Variants in GABRG3 observed in about 807,000 individuals in gnomAD.
The protein encoded by GABRG3 is gamma-aminobutyric acid type A receptor subunit gamma3, also known as gamma-aminobutyric acid receptor subunit gamma-3.
A neutral mutation model predicts 48.8 loss-of-function variants in GABRG3; 25 were observed. That is an observed-to-expected ratio of 0.51 (90% confidence interval 0.37 to 0.72). The LOEUF (loss-of-function observed/expected upper bound fraction) is 0.72, where lower values mean the gene tolerates loss of function less well. Ranked by LOEUF, GABRG3 falls within the 30% of genes least tolerant of loss-of-function variation. The probability of loss-of-function intolerance (pLI) is 0.00; values close to 1 mark genes in which losing one functional copy is unlikely to be tolerated. For missense variants in GABRG3, 394 were observed against 577.9 expected (o/e 0.68, Z 3.26); for synonymous variants, 227 against 217.6 (o/e 1.04, Z -0.38).
At chr15:27,076,356 C>T (rs1296857561) in intron 3 of GABRG3, among the ~76,000 whole-genome samples, 4 of 136,978 alleles carry the variant, frequency 2.9e-5, no homozygotes, top group Non-Finnish European at 6.1e-5. Context: ...TGGAGTCTCA[C>T]TCTGTTGCCC....
chr15:27,527,614 G>A lies in GABRG3; in HGVS notation c.1047G>A (p.Thr349=). 2 of 1,610,350 alleles carry A rather than the reference G, an allele frequency of 1.2e-6. No homozygotes were observed. The highest frequency in any genetic ancestry group is 1.7e-6 in the Non-Finnish European group (2 of 1,178,048). ...YYSSCRKPTT[T]KKTTSLLHPD... ...CCAGCTGTAGAAAACCAACCACCAC[G>A]AAGAAGACAACATCGGTGAGCTGCA... The change falls in exon 8 of 10, where the codon ACG becomes ACA. Residue 349 remains threonine (T), a synonymous_variant. Transcript: ENST00000615808.
intron 5 of GABRG3, among the ~76,000 whole-genome samples, chr15:27,433,333 C>T (rs754843443): frequency 6.6e-6 from 1 of 152,184 alleles, no homozygotes; most frequent in Non-Finnish European, 1.5e-5. Context: ...TCGAAAATGG[C>T]TCTTACCAGG....
At chr15:27,040,473 G>A (rs997415462) in intron 3 of GABRG3, among the ~76,000 whole-genome samples, 1 of 152,212 alleles carries the variant, frequency 6.6e-6, no homozygotes, top group African/African-American at 2.4e-5. Context: ...TCTCATCCAA[G>A]ATGAATGTCC....
rs1891504982 is a variant in GABRG3, at chr15:27,534,475, G to A, written c.*1594G>A. The A allele has an allele frequency of 6.6e-6, 1 of 152,210 alleles. No individual in the cohort carries two copies. The highest frequency in any genetic ancestry group is 2.4e-5 in the African/African-American group (1 of 41,456). The allele number at this position is 152,210 out of a possible 1,614,324, so 9.4% of individuals were successfully genotyped here. A position where few individuals can be genotyped will look rare whatever the true frequency, so the allele number is the denominator to read the frequency against. Reference sequence around the variant, plus strand: ...AATAGGCAAAACACAAGTCCTACCAGTTAGTTAATAATGCTTTGGCATTGT... The same window carrying A: ...AATAGGCAAAACACAAGTCCTACCAATTAGTTAATAATGCTTTGGCATTGT... On this transcript the variant is annotated 3_prime_UTR_variant, in exon 10 of 10. Coordinates refer to ENST00000615808, the MANE Select transcript of GABRG3 (RefSeq NM_033223.5).
intron 3 of GABRG3, among the ~76,000 whole-genome samples, chr15:27,077,989 A>G (rs1896936715): frequency 6.6e-6 from 1 of 152,130 alleles, no homozygotes; most frequent in Admixed American, 6.5e-5. Context: ...AATATGTGCC[A>G]TGTTTCTGTT....
Position 27,289,918 on chromosome 15 carries a change from C to T in GABRG3, c.271-36891C>T, listed in dbSNP as rs566522753. On this transcript the variant is annotated intron_variant, in intron 3 of 9. Transcript: ENST00000615808. ...TGTTTTGGCCGGGGATAATGAGACT[C>T]CAGTGGTAACAAGCATACCTAGTAC... Among the ~76,000 whole-genome samples the T allele has an allele frequency of 2.0e-5, 3 of 152,214 alleles. No individual in the cohort carries two copies. In the South Asian group the frequency reaches 6.2e-4, roughly 32 times the overall value.
chr15:27,423,242 T>TAAAAAAAAA (rs58007397), intron 5 of GABRG3, among the ~76,000 whole-genome samples: 1 of 74,748 alleles, frequency 1.3e-5, no homozygotes, highest in Non-Finnish European at 2.7e-5. Context: ...GTCATTATGA[T>TAAAAAAAAA]AAAAAAAAAA....
intron 3 of GABRG3, among the ~76,000 whole-genome samples, chr15:27,233,057 A>G (rs1028427420): frequency 5.3e-5 from 8 of 152,176 alleles, no homozygotes; most frequent in Admixed American, 1.3e-4. Context: ...CTGGAGTGGA[A>G]GAGATGGGGG....
chr15:27,285,211 G>C (rs1454225863), intron 3 of GABRG3, among the ~76,000 whole-genome samples: 1 of 151,438 alleles, frequency 6.6e-6, no homozygotes, highest in Non-Finnish European at 1.5e-5. Context: ...TAATGTGGTA[G>C]CTGCAGTTTG....
chr15:27,267,102 CTTTTTTTTT>C (rs57772496), intron 3 of GABRG3, among the ~76,000 whole-genome samples: 3 of 112,858 alleles, frequency 2.7e-5, no homozygotes, highest in African/African-American at 9.9e-5. Flanking sequence ...TAGTCTTTTA[CTTTTTTTTT>C]TTTTTTTTTT....
chr15:27,235,961 A>T (rs1048252376), intron 3 of GABRG3, among the ~76,000 whole-genome samples: 3 of 152,094 alleles, frequency 2.0e-5, no homozygotes, highest in African/African-American at 7.2e-5. Context: ...ACCCTTACTA[A>T]TGGTTTTTCT....
intron 3 of GABRG3, among the ~76,000 whole-genome samples, chr15:27,075,396 G>A (rs1445606365): frequency 6.6e-6 from 1 of 152,176 alleles, no homozygotes; most frequent in Non-Finnish European, 1.5e-5. Flanking sequence ...GTTTATTTTG[G>A]CATCCTAGCA....
chr15:27,366,306 T>G (rs182910472), intron 5 of GABRG3: 2 of 152,212 alleles, frequency 1.3e-5, no homozygotes, highest in African/African-American at 4.8e-5. Flanking sequence ...CCGGGCTCTT[T>G]CCTGCATCAT....
chr15:27,527,118 G>A (rs1401427492), intron 7 of GABRG3, among the ~76,000 whole-genome samples: 2 of 152,090 alleles, frequency 1.3e-5, no homozygotes, highest in Non-Finnish European at 2.9e-5. Flanking sequence ...GGAACAGCAC[G>A]GAACATATAG....
chr15:27,404,911 A>G (rs922864390), intron 5 of GABRG3, among the ~76,000 whole-genome samples: 9 of 152,190 alleles, frequency 5.9e-5, no homozygotes, highest in African/African-American at 2.2e-4. Flanking sequence ...CTGCTCTGTC[A>G]TGCCCCCTAG....
intron 3 of GABRG3, among the ~76,000 whole-genome samples, chr15:27,057,522 T>A (rs960542715): frequency 2.0e-5 from 3 of 152,194 alleles, no homozygotes; most frequent in African/African-American, 7.2e-5. Context: ...CAGTTTCCTG[T>A]GCCTTATACA....
intron 5 of GABRG3, among the ~76,000 whole-genome samples, chr15:27,330,048 T>C (rs1893752216): frequency 6.6e-6 from 1 of 152,160 alleles, no homozygotes; most frequent in African/African-American, 2.4e-5. Flanking sequence ...AAGATCATCC[T>C]GGCTAACACG....
Position 27,279,670 on chromosome 15 carries a change from A to G in GABRG3, c.271-47139A>G, listed in dbSNP as rs562118505. ...ACACGGTCTTGATTACTGTAGTTGTATGTATAAGTCTTATAGTCAGGTAAA... is the reference window on the plus strand; with the variant it reads ...ACACGGTCTTGATTACTGTAGTTGTGTGTATAAGTCTTATAGTCAGGTAAA... On this transcript the variant is annotated intron_variant, in intron 3 of 9. Transcript: ENST00000615808. Among the ~76,000 whole-genome samples the G allele has an allele frequency of 2.6e-4, 40 of 152,264 alleles. 1 individual carries two copies. The South Asian group carries it at 6.4e-3, about 24-fold the overall frequency.
intron 5 of GABRG3, among the ~76,000 whole-genome samples, chr15:27,373,807 T>G (rs1264309949): frequency 1.3e-5 from 2 of 152,180 alleles, no homozygotes; most frequent in Non-Finnish European, 2.9e-5. Flanking sequence ...ACATTCAAAT[T>G]ATCATGAAAA....
Sources: gnomAD v4.1 joint callset for allele counts (sites outside exome capture counted in the v4.1 genomes callset) on GRCh38, gnomAD v4.1.1 for gene constraint, MANE v1.5 for transcripts, NCBI Gene and HGNC (gene_info 2026-07-23, HGNC 2026-07-21) for gene names.